The following PDE1A variants were observed in gnomAD, a reference collection of about 807,000 sequenced individuals.
PDE1A encodes the protein dual specificity calcium/calmodulin-dependent 3',5'-cyclic nucleotide phosphodiesterase 1A.
In PDE1A, 35 loss-of-function variants were observed where a neutral mutation model predicts 61.7. That is an observed-to-expected ratio of 0.57 (90% CI 0.43 to 0.75). The LOEUF is 0.75. PDE1A is among the 30% of genes least tolerant of loss of function. The pLI is 0.00. For synonymous variants in PDE1A, 232 were observed against 213.2 expected, an observed-to-expected ratio of 1.09 and a Z score of -0.77; for missense variants, 597 against 630.6, an observed-to-expected ratio of 0.95 and a Z score of 0.57.
chr2:182,141,962 T>C (rs1367287497), exon 15 of PDE1A: 1 of 152,216 alleles, frequency 6.6e-6, no homozygotes, highest in African/African-American at 2.4e-5. Flanking sequence ...TTTTCAGCTT[T>C]AAGCAAAGGA....
chr2:182,416,971 G>A (rs909637063), intron 1 of PDE1A, among the ~76,000 whole-genome samples: 1 of 152,194 alleles, frequency 6.6e-6, no homozygotes, highest in Non-Finnish European at 1.5e-5. Context: ...GAAATGCTGA[G>A]CTCAAGATTC....
At chr2:182,560,038 G>C in the PDE1A span, among the ~76,000 whole-genome samples, 1 of 151,342 alleles carries the variant, frequency 6.6e-6, no homozygotes, top group African/African-American at 2.4e-5. Context: ...GGTGGCAGAG[G>C]GATGGATGAG....
At chr2:182,665,662 T>C in the PDE1A span, among the ~76,000 whole-genome samples, 3 of 152,176 alleles carry the variant, frequency 2.0e-5, no homozygotes, top group Non-Finnish European at 4.4e-5. Flanking sequence ...GCGTGACGAT[T>C]CCTCAAAGAT....
the PDE1A span, among the ~76,000 whole-genome samples, chr2:182,708,252 C>A: frequency 6.6e-6 from 1 of 152,058 alleles, no homozygotes; most frequent in African/African-American, 2.4e-5. Context: ...TATCTCCCAC[C>A]GGGTCCCTCC....
chr2:182,612,648 T>C, the PDE1A span, among the ~76,000 whole-genome samples: 2 of 152,270 alleles, frequency 1.3e-5, no homozygotes, highest in Admixed American at 1.3e-4. Context: ...TGGCTTTCAC[T>C]ATACACTATT....
At chr2:182,290,592 C>T (rs1234362833) in intron 1 of PDE1A, among the ~76,000 whole-genome samples, 2 of 151,912 alleles carry the variant, frequency 1.3e-5, no homozygotes, top group Non-Finnish European at 2.9e-5. Context: ...TCCCCATGTC[C>T]CTTCTTTGAA....
chr2:182,470,305 T>C (rs1006711814), intron 2 of PDE1A, among the ~76,000 whole-genome samples: 2 of 151,894 alleles, frequency 1.3e-5, no homozygotes, highest in African/African-American at 4.8e-5. Context: ...AGCAGGAATA[T>C]CCTTAACCTG....
the PDE1A span, among the ~76,000 whole-genome samples, chr2:182,554,981 G>T: frequency 1.3e-5 from 2 of 152,198 alleles, no homozygotes; most frequent in Non-Finnish European, 2.9e-5. Context: ...TGTAAACAGA[G>T]AAATAGTTGA....
intron 2 of PDE1A, among the ~76,000 whole-genome samples, chr2:182,471,854 C>T (rs1559493536): frequency 6.6e-6 from 1 of 151,652 alleles, no homozygotes; most frequent in Non-Finnish European, 1.5e-5. Flanking sequence ...ACTCAAACAA[C>T]TCAACAACAA....
chr2:182,250,679 T>C lies in PDE1A; in HGVS notation c.168-10387A>G, dbSNP rs536413282. 2.6e-5 allele frequency among the ~76,000 whole-genome samples: 4 copies of C among 152,312 alleles called. No individual in the cohort carries two copies. In the South Asian group the frequency reaches 6.2e-4, roughly 24 times the overall value. On this transcript the variant is annotated intron_variant, in intron 2 of 13. Coordinates refer to ENST00000351439, the Ensembl canonical transcript of PDE1A. Reference sequence around the variant, plus strand: ...GATGACCATTGTACATGAGTGACTATGAAGACTGAACTTTTGGGTGGAGAA... The same window carrying C: ...GATGACCATTGTACATGAGTGACTACGAAGACTGAACTTTTGGGTGGAGAA...
chr2:182,143,493 A>T (rs577433574), downstream of PDE1A, among the ~76,000 whole-genome samples: 60 of 152,014 alleles, frequency 3.9e-4, no homozygotes, highest in African/African-American at 9.2e-4. Context: ...TTTTTAAAAA[A>T]TTTTAATTAA....
intron 6 of PDE1A, among the ~76,000 whole-genome samples, chr2:182,224,533 A>T (rs949327243): frequency 2.0e-5 from 3 of 151,826 alleles, no homozygotes; most frequent in African/African-American, 7.3e-5. Context: ...TAATGTTAAA[A>T]GAAAGAATAA....
the PDE1A span, among the ~76,000 whole-genome samples, chr2:182,626,872 CAT>C: frequency 1.8e-3 from 39 of 22,012 alleles, 2 homozygotes; most frequent in Non-Finnish European, 2.2e-3. Flanking sequence ...TATATATATA[CAT>C]ATATATATAC....
At chr2:182,597,606 C>T in the PDE1A span, among the ~76,000 whole-genome samples, 14 of 152,224 alleles carry the variant, frequency 9.2e-5, no homozygotes, top group Admixed American at 7.2e-4. Flanking sequence ...ATACCCACCT[C>T]GTAATTTTGC....
At chr2:182,704,889 C>T in the PDE1A span, among the ~76,000 whole-genome samples, 3 of 152,182 alleles carry the variant, frequency 2.0e-5, no homozygotes, top group Non-Finnish European at 4.4e-5. Flanking sequence ...GGAAAGAATT[C>T]GGGGGTCCCC....
intron 1 of PDE1A, among the ~76,000 whole-genome samples, chr2:182,266,593 C>T (rs542191767): frequency 3.9e-5 from 6 of 152,216 alleles, no homozygotes; most frequent in African/African-American, 1.4e-4. Context: ...TATTTGTTAG[C>T]GATTTTCCCA....
At chr2:182,387,011 G>T (rs1701148186) in intron 1 of PDE1A, among the ~76,000 whole-genome samples, 1 of 152,254 alleles carries the variant, frequency 6.6e-6, no homozygotes, top group Non-Finnish European at 1.5e-5. Context: ...AGAGAGATCG[G>T]ATTATTGCTG....
At position 182,161,207 on chromosome 2, in the gene PDE1A, G is replaced by GGAGAAT. The variant is rs1409425336; in HGVS notation, c.1517-14061_1517-14056dup. On this transcript the variant is annotated intron_variant, in intron 13 of 13. Coordinates refer to the PDE1A transcript ENST00000409365. ...TTTCTAAGTGTGTCCTGAAGGAGAA[G>GGAGAAT]GAGAATCTCCTCTTCTTTAGCCATG... Among the ~76,000 whole-genome samples, 3 of 152,152 alleles carry GGAGAAT rather than the reference G, an allele frequency of 2.0e-5. No individual in the cohort carries two copies. In the South Asian group the frequency reaches 6.2e-4, roughly 32 times the overall value.
the PDE1A span, among the ~76,000 whole-genome samples, chr2:182,666,229 T>TA: frequency 6.6e-6 from 1 of 152,114 alleles, no homozygotes; most frequent in Admixed American, 6.5e-5. Flanking sequence ...AATTAAATTT[T>TA]AAAAAATCAC....
Sources: gnomAD v4.1 joint callset for allele counts (sites outside exome capture counted in the v4.1 genomes callset) on GRCh38, gnomAD v4.1.1 for gene constraint, MANE v1.5 for transcripts, NCBI Gene and HGNC (gene_info 2026-07-23, HGNC 2026-07-21) for gene names.